Variants in DGCR2 observed in about 807,000 individuals in gnomAD.
DGCR2 encodes the protein DiGeorge syndrome critical region gene 2.
Under a neutral mutation model 51.6 loss-of-function variants are expected in DGCR2, and 24 were observed. That is an observed-to-expected ratio of 0.47 (90% CI 0.34 to 0.65). The LOEUF is 0.65. DGCR2 is among the 30% of genes least tolerant of loss of function. The pLI is 0.01. For missense variants in DGCR2, 765 were observed against 772.1 expected, an observed-to-expected ratio of 0.99 and a Z score of 0.11; for synonymous variants, 340 against 315.4, an observed-to-expected ratio of 1.08 and a Z score of -0.82.
At position 19,076,724 on chromosome 22, in the gene DGCR2, A is replaced by ATTTTTTTTT. The variant is rs1165827499; in HGVS notation, c.203-8508_203-8500dup. Among the ~76,000 whole-genome samples, 52 of 79,954 alleles carry ATTTTTTTTT rather than the reference A, an allele frequency of 6.5e-4. 2 individuals are homozygous for ATTTTTTTTT. The highest frequency in any genetic ancestry group is 8.4e-4 in the Non-Finnish European group (38 of 44,986). 52.5% of individuals were successfully genotyped at this position (79,954 alleles called of 152,430 possible). A position where few individuals can be genotyped will look rare whatever the true frequency, so the allele number is the denominator to read the frequency against. ...AAATGTCTACTCAAGTCCTTTGCAC[A>ATTTTTTTTT]TTTTTTTTTTTTTTTTTTTTTTTTG... On this transcript the variant is annotated intron_variant, in intron 2 of 9. Coordinates refer to ENST00000263196, the MANE Select transcript of DGCR2 (RefSeq NM_005137.3).
At chr22:19,092,996 A>T (rs1012920112) in intron 1 of DGCR2, among the ~76,000 whole-genome samples, 1 of 144,170 alleles carries the variant, frequency 6.9e-6, no homozygotes, top group African/African-American at 2.6e-5. Flanking sequence ...GAAAGAAGAG[A>T]AGAAGGAGGA....
At chr22:19,091,865 G>GA (rs1011967806) in intron 1 of DGCR2, among the ~76,000 whole-genome samples, 12 of 151,184 alleles carry the variant, frequency 7.9e-5, no homozygotes, top group South Asian at 2.1e-4. Flanking sequence ...GCTTGAACCT[G>GA]AAAAAAAAGG....
chr22:19,099,175 A>G (rs548252637), intron 1 of DGCR2, among the ~76,000 whole-genome samples: 5 of 152,318 alleles, frequency 3.3e-5, no homozygotes, highest in African/African-American at 9.6e-5. Flanking sequence ...GGCTGTGGTA[A>G]TGAACAAAGA....
rs1355334471 is a variant in DGCR2 at position 19,122,363 on chromosome 22, GCA to G, written c.-159_-158del. ...AGCTTCGGCTGGGCCGCGGGCTGGCGCACACTCTCGGCTGCAACCTCAGGCAC... is the reference window on the plus strand; with the variant it reads ...AGCTTCGGCTGGGCCGCGGGCTGGCGCACTCTCGGCTGCAACCTCAGGCAC... On this transcript the variant is annotated 5_prime_UTR_variant, in exon 1 of 10. Transcript: ENST00000263196. The G allele has an allele frequency of 1.3e-5, 7 of 529,872 alleles. No homozygotes were observed. The highest frequency in any genetic ancestry group is 4.3e-5 in the Admixed American group (1 of 23,282). The allele number at this position is 529,872 out of a possible 1,614,324, so 32.8% of individuals were successfully genotyped here.
intron 1 of DGCR2, among the ~76,000 whole-genome samples, chr22:19,091,614 A>G (rs773766309): frequency 6.6e-6 from 1 of 152,200 alleles, no homozygotes; most frequent in Non-Finnish European, 1.5e-5. Flanking sequence ...GAACAAGCAG[A>G]TAGAAAACCA....
intron 2 of DGCR2, among the ~76,000 whole-genome samples, chr22:19,082,702 A>T (rs983660865): frequency 1.3e-5 from 2 of 151,920 alleles, no homozygotes; most frequent in African/African-American, 4.8e-5. Context: ...GTGAGCTGAG[A>T]TCGCACCACT....
At chr22:19,074,156 T>A (rs993010996) in intron 2 of DGCR2, among the ~76,000 whole-genome samples, 1 of 152,092 alleles carries the variant, frequency 6.6e-6, no homozygotes, top group Non-Finnish European at 1.5e-5. Context: ...CTCGGCACGG[T>A]GGCTCACGTC....
At chr22:19,093,771 A>G (rs1405381163) in intron 1 of DGCR2, among the ~76,000 whole-genome samples, 1 of 152,152 alleles carries the variant, frequency 6.6e-6, no homozygotes, top group Non-Finnish European at 1.5e-5. Flanking sequence ...CCAAGGTGGG[A>G]GCAACACTTG....
rs773405495 is a variant in DGCR2, at chr22:19,057,900, G to A, written c.626-738C>T. 1.3e-5 allele frequency among the ~76,000 whole-genome samples: 2 copies of A among 152,110 alleles called. No individual in the cohort carries two copies. The highest frequency in any genetic ancestry group is 4.8e-5 in the African/African-American group (2 of 41,428). On this transcript the variant is annotated intron_variant, in intron 5 of 9. Transcript: ENST00000263196. The surrounding 1 kb of genome is among the most constrained non-coding windows in gnomAD (Gnocchi z 5.1). The stretch of plus-strand genomic sequence containing the variant: ...CCATGCCCAGGGCATGGCACAGCCA[G>A]CCCTAGGCCCCACTCTCTCCCCTGC...
chr22:19,098,906 T>C (rs116472622), intron 1 of DGCR2, among the ~76,000 whole-genome samples: 2 of 152,172 alleles, frequency 1.3e-5, no homozygotes, highest in Non-Finnish European at 2.9e-5. Flanking sequence ...GGGACACATC[T>C]TTATTGCTGC....
At chr22:19,083,042 G>A (rs750228207) in intron 2 of DGCR2, among the ~76,000 whole-genome samples, 31 of 149,962 alleles carry the variant, frequency 2.1e-4, no homozygotes, top group South Asian at 1.1e-3. Flanking sequence ...ATACAAGAAC[G>A]TGTCACTGCA....
intron 1 of DGCR2, among the ~76,000 whole-genome samples, chr22:19,101,628 C>G (rs2083202960): frequency 6.6e-6 from 1 of 151,676 alleles, no homozygotes; most frequent in Non-Finnish European, 1.5e-5. Context: ...GTAGTTCCAA[C>G]TACTTGGGAG....
chr22:19,045,899 T>C (rs1214859779), intron 7 of DGCR2, among the ~76,000 whole-genome samples: 2 of 152,164 alleles, frequency 1.3e-5, no homozygotes, highest in Non-Finnish European at 2.9e-5. Context: ...ACTAATTTTT[T>C]GTATTTTTTG....
intron 7 of DGCR2, chr22:19,047,376 C>G (rs775534814): frequency 6.6e-6 from 1 of 152,260 alleles, no homozygotes; most frequent in Admixed American, 6.5e-5. Context: ...GTGGCCCAGC[C>G]TCTAGCTGCA....
intron 7 of DGCR2, among the ~76,000 whole-genome samples, chr22:19,045,557 C>T (rs1206426336): frequency 6.6e-6 from 1 of 152,184 alleles, no homozygotes; most frequent in East Asian, 1.9e-4. Flanking sequence ...ACTACTTTGG[C>T]TATTTTAATT....
chr22:19,110,378 C>T (rs931178565), intron 1 of DGCR2, among the ~76,000 whole-genome samples: 2 of 152,072 alleles, frequency 1.3e-5, no homozygotes, highest in Non-Finnish European at 2.9e-5. Context: ...CAGGGGTGGG[C>T]CCTGAGGAGT....
rs535212558 is a variant in DGCR2, at chr22:19,120,971, G to A, written c.79+1157C>T. On this transcript the variant is annotated intron_variant, in intron 1 of 9. Transcript: ENST00000263196. ...AGAGAAGCATCACTGAATCTGTCCA[G>A]GTTGAGCACCGGTCAGGGCCTTGGC... is the stretch of plus-strand genomic sequence containing the variant. Among the ~76,000 whole-genome samples the A allele has an allele frequency of 2.6e-5, 4 of 152,352 alleles. No individual in the cohort carries two copies. The East Asian group carries it at 7.7e-4, about 29-fold the overall frequency.
chr22:19,118,486 A>C (rs114798574), intron 1 of DGCR2, among the ~76,000 whole-genome samples: 2 of 152,128 alleles, frequency 1.3e-5, no homozygotes, highest in Non-Finnish European at 2.9e-5. Context: ...TACTGAAAGC[A>C]AAAGAGAAAG....
intron 7 of DGCR2, among the ~76,000 whole-genome samples, chr22:19,042,350 C>T (rs1451973722): frequency 1.3e-5 from 2 of 152,210 alleles, no homozygotes; most frequent in Non-Finnish European, 2.9e-5. Context: ...CATCCTTTTC[C>T]AGGGGCCAGG....
Sources: gnomAD v4.1 joint callset for allele counts (sites outside exome capture counted in the v4.1 genomes callset) on GRCh38, gnomAD v4.1.1 for gene constraint, Gnocchi (gnomAD v3.1) non-coding constraint, MANE v1.5 for transcripts, NCBI Gene and HGNC (gene_info 2026-07-23, HGNC 2026-07-21) for gene names.